Variants in IGSF11 observed in about 807,000 individuals in gnomAD.
IGSF11 encodes the protein immunoglobulin superfamily member 11.
A neutral mutation model predicts 41.0 loss-of-function variants in IGSF11; 22 were observed. The observed-to-expected ratio is 0.54, with a 90% confidence interval of 0.38 to 0.77. The LOEUF is 0.77. Among genes scored for constraint, IGSF11 ranks in the 30% least tolerant of loss-of-function variants. The pLI is 0.00. For missense variants in IGSF11, 444 were observed against 530.8 expected (o/e 0.84, Z 1.61); for synonymous variants, 219 against 201.3 (o/e 1.09, Z -0.74).
chr3:118,908,662 C>T (rs1939899282), intron 4 of IGSF11, among the ~76,000 whole-genome samples: 1 of 152,156 alleles, frequency 6.6e-6, no homozygotes, highest in African/African-American at 2.4e-5. Flanking sequence ...CTCAAAGGAC[C>T]TCACACTCCA....
upstream of IGSF11, among the ~76,000 whole-genome samples, chr3:119,106,109 A>G (rs1488415429): frequency 1.3e-5 from 2 of 152,208 alleles, no homozygotes; most frequent in Non-Finnish European, 2.9e-5. Flanking sequence ...TATTTATGGG[A>G]TATATGAGAT....
In IGSF11 at chr3:119,001,448, T is replaced by C. The variant is rs577325295; in HGVS notation, c.52+33083A>G. Among the ~76,000 whole-genome samples, 15 of 147,316 alleles carry C rather than the reference T, an allele frequency of 1.0e-4. No homozygotes were observed. In the East Asian group the frequency reaches 2.7e-3, roughly 27 times the overall value. ...TTGTTTTTTGCTTTAGTTTTTGTTT[T>C]TTTCTGGCCCCAGGTTTTCTTTTTT... On this transcript the variant is annotated intron_variant, in intron 1 of 6. Transcript: ENST00000393775.
intron 4 of IGSF11, among the ~76,000 whole-genome samples, chr3:118,910,823 T>C (rs1940182973): frequency 1.3e-5 from 2 of 152,338 alleles, no homozygotes; most frequent in African/African-American, 4.8e-5. Flanking sequence ...ATACCCACTT[T>C]TAACCAGTAA....
intron 1 of IGSF11, among the ~76,000 whole-genome samples, chr3:118,950,138 T>C (rs1297637647): frequency 6.6e-6 from 1 of 152,200 alleles, no homozygotes; most frequent in Non-Finnish European, 1.5e-5. Context: ...TACCACTCTT[T>C]CTAAAGAAAC....
intron 1 of IGSF11, among the ~76,000 whole-genome samples, chr3:119,029,288 G>C (rs1940166585): frequency 6.6e-6 from 1 of 151,250 alleles, no homozygotes; most frequent in Admixed American, 6.6e-5. Context: ...GAGAGAGAGA[G>C]AGAATGCGAG....
At chr3:119,042,967 G>T (rs1169940218) in intron 1 of IGSF11, among the ~76,000 whole-genome samples, 1 of 152,176 alleles carries the variant, frequency 6.6e-6, no homozygotes, top group Non-Finnish European at 1.5e-5. Context: ...CAAGCCTCTT[G>T]TTCTCTGACC....
Position 119,091,999 on chromosome 3 carries a change from G to T in IGSF11, c.49+13145C>A, listed in dbSNP as rs538042400. ...TTTTGGTTTTTGGTTTTTTTGGGGG[G>T]GGGGGGTTGGTGGTTTTTTCTTTTG... is the stretch of plus-strand genomic sequence containing the variant. On this transcript the variant is annotated intron_variant, in intron 1 of 6. Coordinates refer to the IGSF11 transcript ENST00000354673. 6.0e-4 allele frequency among the ~76,000 whole-genome samples: 87 copies of T among 145,488 alleles called. 1 individual carries two copies. Among genetic ancestry groups the T allele is most frequent in the African/African-American group, 2.0e-3 (75 of 37,890 alleles).
chr3:118,912,052 A>C (rs1338747509), intron 4 of IGSF11, among the ~76,000 whole-genome samples: 2 of 152,252 alleles, frequency 1.3e-5, no homozygotes, highest in East Asian at 3.8e-4. Flanking sequence ...ATCTAGTTTC[A>C]GAAAATGTTA....
intron 1 of IGSF11, among the ~76,000 whole-genome samples, chr3:118,982,693 C>A (rs1934857031): frequency 6.6e-6 from 1 of 152,078 alleles, no homozygotes; most frequent in South Asian, 2.1e-4. Context: ...AGGAGGATAT[C>A]TTAATGAATA....
intron 1 of IGSF11, among the ~76,000 whole-genome samples, chr3:119,023,442 C>T (rs1332953460): frequency 6.6e-6 from 1 of 152,088 alleles, no homozygotes; most frequent in African/African-American, 2.4e-5. Context: ...AGTGCTGCTA[C>T]AATTGACATA....
intron 1 of IGSF11, among the ~76,000 whole-genome samples, chr3:118,942,453 CGTTTCTTCTTTCAA>C (rs1162971016): frequency 2.0e-5 from 3 of 152,162 alleles, no homozygotes; most frequent in East Asian, 1.9e-4. Flanking sequence ...TGTTCTGTCA[CGTTTCTTCTTTCAA>C]GTTTCTTCTT....
At chr3:118,927,218 G>A (rs974481465) in intron 3 of IGSF11, among the ~76,000 whole-genome samples, 1 of 152,172 alleles carries the variant, frequency 6.6e-6, no homozygotes, top group African/African-American at 2.4e-5. Flanking sequence ...TTGCCACTGT[G>A]ATGCCAGGAA....
rs966985071 is a variant in IGSF11 at position 118,942,153 on chromosome 3, GT to G, written c.53-11879del. Among the ~76,000 whole-genome samples, 5 of 152,210 alleles carry G rather than the reference GT, an allele frequency of 3.3e-5. 1 individual carries two copies. The highest frequency in any genetic ancestry group is 1.9e-4 in the East Asian group (1 of 5,186). ...TATGTAAGTTATACTTTAAAAAAATGTTTTTTTAGAAAAAGGTATGTTGGGA... is the reference window on the plus strand; with the variant it reads ...TATGTAAGTTATACTTTAAAAAAATGTTTTTTAGAAAAAGGTATGTTGGGA... On this transcript the variant is annotated intron_variant, in intron 1 of 6. Coordinates refer to ENST00000393775, the MANE Select transcript of IGSF11 (RefSeq NM_001015887.3).
chr3:118,913,912 G>A (rs182374225), intron 4 of IGSF11, among the ~76,000 whole-genome samples: 1,622 of 152,344 alleles, frequency 0.011, 12 homozygotes, highest in Non-Finnish European at 0.016. Flanking sequence ...GAAGCTGAGA[G>A]TTATGGTGGA....
chr3:118,951,075 G>A (rs1944534769), intron 1 of IGSF11, among the ~76,000 whole-genome samples: 1 of 152,172 alleles, frequency 6.6e-6, no homozygotes. Flanking sequence ...AAAATGTCCT[G>A]TATCTGCACC....
chr3:119,110,757 C>A (rs1051179550), intron 1 of IGSF11, among the ~76,000 whole-genome samples: 1 of 151,964 alleles, frequency 6.6e-6, no homozygotes, highest in Non-Finnish European at 1.5e-5. Flanking sequence ...TTTAGTGCTT[C>A]CTTCAGGAGC....
At chr3:119,104,935 T>A (rs2076997262) in intron 1 of IGSF11, among the ~76,000 whole-genome samples, 1 of 152,168 alleles carries the variant, frequency 6.6e-6, no homozygotes, top group South Asian at 2.1e-4. Context: ...TCTTATTGAA[T>A]CCACAGTGCC....
intron 1 of IGSF11, among the ~76,000 whole-genome samples, chr3:118,934,009 G>C (rs1323573010): frequency 2.0e-5 from 3 of 151,948 alleles, no homozygotes; most frequent in Admixed American, 2.0e-4. Flanking sequence ...CTGCACTGGA[G>C]ACTTCCTGAT....
intron 1 of IGSF11, among the ~76,000 whole-genome samples, chr3:119,022,776 T>C (rs1939422554): frequency 6.6e-6 from 1 of 152,098 alleles, no homozygotes; most frequent in South Asian, 2.1e-4. Flanking sequence ...GAAATGAAAC[T>C]CTCATACACT....
Sources: gnomAD v4.1 joint callset for allele counts (sites outside exome capture counted in the v4.1 genomes callset) on GRCh38, gnomAD v4.1.1 for gene constraint, MANE v1.5 for transcripts, NCBI Gene and HGNC (gene_info 2026-07-23, HGNC 2026-07-21) for gene names.